SORCS1: variants seen among roughly 807,000 people sequenced by gnomAD.
SORCS1 encodes sortilin related VPS10 domain containing receptor 1.
A neutral mutation model predicts 146.1 loss-of-function variants in SORCS1; 60 were observed. The ratio of observed to expected loss-of-function variants is 0.41; its 90% CI spans 0.33 to 0.51. SORCS1 has a LOEUF of 0.51. SORCS1 is among the 20% of genes least tolerant of loss of function. The probability of loss-of-function intolerance (pLI) is 0.21; values close to 1 mark genes in which losing one functional copy is unlikely to be tolerated. For missense variants in SORCS1, 1,352 were observed against 1,487.6 expected (o/e 0.91, Z 1.50); for synonymous variants, 637 against 584.0 (o/e 1.09, Z -1.31).
the SORCS1 span, among the ~76,000 whole-genome samples, chr10:107,178,500 A>T: frequency 2.8e-3 from 413 of 149,302 alleles, 3 homozygotes; most frequent in African/African-American, 9.6e-3. Context: ...ATATATATAT[A>T]TATTTTTTTT....
chr10:106,868,743 T>A (rs1950307527), intron 2 of SORCS1, among the ~76,000 whole-genome samples: 1 of 152,064 alleles, frequency 6.6e-6, no homozygotes, highest in South Asian at 2.1e-4. Context: ...ATCAAAAACT[T>A]AGAAAGATCT....
intron 1 of SORCS1, among the ~76,000 whole-genome samples, chr10:107,127,132 G>C (rs1966757054): frequency 6.6e-6 from 1 of 150,650 alleles, no homozygotes; most frequent in Non-Finnish European, 1.5e-5. Flanking sequence ...AAAAAAAAAT[G>C]CTCATGTTAC....
chr10:107,010,156 A>G (rs1048193131), intron 1 of SORCS1, among the ~76,000 whole-genome samples: 3 of 152,234 alleles, frequency 2.0e-5, no homozygotes, highest in African/African-American at 7.2e-5. Flanking sequence ...TATAACTTCA[A>G]TATTTGAAGC....
chr10:106,829,671 G>T lies in SORCS1; in HGVS notation c.629C>A (p.Ser210Ter). 1 of 1,601,784 alleles carries T rather than the reference G, an allele frequency of 6.2e-7. No homozygotes were observed. ...CTCATAGGTTGTTCCATAATCGGTT[G>T]ACCTATAATCCAAAAAGAGCATTAA... ...GSITESSLWR[S>*]TDYGTTYEKL... is the part of the protein sequence containing the mutation. The change falls in exon 3 of 26, where the codon TCA becomes TAA. Residue 210 changes from serine to a stop codon, truncating the protein, a stop_gained and splice_region_variant. Transcript: ENST00000263054. LOFTEE classifies it high-confidence loss of function.
rs1410868871 is a variant in SORCS1 at position 106,579,383 on chromosome 10, G to C, written c.3357C>G (p.Ile1119Met). 6.2e-7 allele frequency: 1 copy of C among 1,614,026 alleles called. No homozygotes were observed. Among genetic ancestry groups the C allele is most frequent in the Non-Finnish European group, 8.5e-7 (1 of 1,179,998 alleles). The change falls in exon 25 of 26, where the codon ATC becomes ATG. Residue 1119 changes from isoleucine (I) to methionine (M), a missense_variant. Ile to Met is a conservative substitution (Grantham distance 10). Around this residue, in one of 3 missense-constraint regions of SORCS1, gnomAD observed 214 missense variants for 204.8 expected, o/e 1.05. Transcript: ENST00000263054. ...VVFVGLAVFV[I>M]YKFKRRVALP... is the part of the protein sequence containing the mutation. The stretch of plus-strand genomic sequence containing the variant: ...GGGACACGCACCTTTTAAACTTGTA[G>C]ATGACGAACACTGCCAGCCCCACAA...
intron 1 of SORCS1, among the ~76,000 whole-genome samples, chr10:107,038,804 C>CT (rs1223250577): frequency 5.3e-5 from 8 of 152,106 alleles, no homozygotes; most frequent in African/African-American, 1.7e-4. Context: ...ACAATTAGTT[C>CT]TTTTTTGGAG....
At chr10:107,091,256 C>T (rs898083527) in intron 1 of SORCS1, among the ~76,000 whole-genome samples, 1 of 152,208 alleles carries the variant, frequency 6.6e-6, no homozygotes, top group African/African-American at 2.4e-5. Flanking sequence ...CCTGATAAAT[C>T]CCATAATCCT....
At chr10:106,855,362 GGTT>G (rs1949746084) in intron 2 of SORCS1, among the ~76,000 whole-genome samples, 1 of 151,974 alleles carries the variant, frequency 6.6e-6, no homozygotes, top group African/African-American at 2.4e-5. Context: ...TGGTTTTTGT[GGTT>G]GTTGCTTTGT....
intron 7 of SORCS1, 70 bp from the exon 8 acceptor site, chr10:106,706,704 C>T: frequency 7.0e-7 from 1 of 1,424,478 alleles, no homozygotes; most frequent in East Asian, 2.3e-5. Context: ...GAACAGTCAC[C>T]TGAATGGAAG....
intron 3 of SORCS1, among the ~76,000 whole-genome samples, chr10:106,779,471 T>C (rs1860719945): frequency 6.6e-6 from 1 of 152,166 alleles, no homozygotes; most frequent in South Asian, 2.1e-4. Context: ...TACTTCTTTA[T>C]CCACATCTCT....
At chr10:106,769,557 T>C (rs1226969302) in intron 4 of SORCS1, among the ~76,000 whole-genome samples, 4 of 143,370 alleles carry the variant, frequency 2.8e-5, no homozygotes, top group African/African-American at 1.1e-4. Context: ...TGTTTATAGA[T>C]ATGTTTATAG....
chr10:106,928,844 T>TA (rs1220512706), intron 2 of SORCS1, among the ~76,000 whole-genome samples: 1 of 152,132 alleles, frequency 6.6e-6, no homozygotes, highest in African/African-American at 2.4e-5. Context: ...ACCTATTTTT[T>TA]ATCTATTTTT....
chr10:106,911,724 A>AT (rs1952166777), intron 2 of SORCS1, among the ~76,000 whole-genome samples: 1 of 151,962 alleles, frequency 6.6e-6, no homozygotes, highest in Admixed American at 6.6e-5. Flanking sequence ...ACATGGGGAG[A>AT]TTTTTCTCAA....
intron 1 of SORCS1, among the ~76,000 whole-genome samples, chr10:106,994,364 G>C (rs1374878772): frequency 6.6e-6 from 1 of 152,112 alleles, no homozygotes; most frequent in African/African-American, 2.4e-5. Context: ...GTATCTGTTT[G>C]TCTACCAGTA....
Position 107,164,283 on chromosome 10 carries a change from G to A in SORCS1, c.244C>T (p.Pro82Ser). The A allele has an allele frequency of 6.3e-7, 1 of 1,596,414 alleles. No individual in the cohort carries two copies. Among genetic ancestry groups the A allele is most frequent in the Non-Finnish European group, 8.5e-7 (1 of 1,175,678 alleles). The change falls in exon 1 of 26, where the codon CCC becomes TCC. Residue 82 changes from proline (P) to serine (S), a missense_variant. By Grantham distance (74) the Pro-to-Ser change is moderately conservative (BLOSUM62 -1). Around this residue, in one of 3 missense-constraint regions of SORCS1, gnomAD observed 490 missense variants for 489.1 expected, o/e 1.00. Transcript: ENST00000263054. This position sits in a 1 kb window ranked among gnomAD's most constrained non-coding sequence, Gnocchi z 6.8. ...LVVRPLFSVAPGDRALSLERA... is the reference protein window; with the variant it reads ...LVVRPLFSVASGDRALSLERA... ...TCCAGGGATAGCGCTCGGTCCCCGG[G>A]GGCCACTGAGAACAGGGGACGCACT...
intron 2 of SORCS1, among the ~76,000 whole-genome samples, chr10:106,949,415 C>A (rs1954556646): frequency 6.6e-6 from 1 of 152,162 alleles, no homozygotes; most frequent in South Asian, 2.1e-4. Context: ...ACTCACAGGG[C>A]TTGCAGAGGG....
chr10:106,813,718 T>G (rs1224902862), intron 3 of SORCS1, among the ~76,000 whole-genome samples: 1 of 152,184 alleles, frequency 6.6e-6, no homozygotes, highest in Non-Finnish European at 1.5e-5. Flanking sequence ...GAGGATCACT[T>G]GGGCCCAGGA....
At chr10:107,136,536 G>GA (rs1967316784) in intron 1 of SORCS1, among the ~76,000 whole-genome samples, 1 of 152,150 alleles carries the variant, frequency 6.6e-6, no homozygotes, top group African/African-American at 2.4e-5. Context: ...CTTAGAGAGG[G>GA]AAAATGACTT....
At chr10:106,850,860 A>C (rs906331299) in intron 2 of SORCS1, among the ~76,000 whole-genome samples, 1 of 152,114 alleles carries the variant, frequency 6.6e-6, no homozygotes, top group Non-Finnish European at 1.5e-5. Context: ...CCCACCACAC[A>C]CACGCCCTAC....
Sources: gnomAD v4.1 joint callset for allele counts (sites outside exome capture counted in the v4.1 genomes callset) on GRCh38, gnomAD v4.1.1 for gene constraint, gnomAD v4.1.1 regional missense constraint, Gnocchi (gnomAD v3.1) non-coding constraint, MANE v1.5 for transcripts, NCBI Gene and HGNC (gene_info 2026-07-23, HGNC 2026-07-21) for gene names.